The following OPCML variants were observed in gnomAD, a reference collection of about 807,000 sequenced individuals.
OPCML encodes opioid-binding protein/cell adhesion molecule.
OPCML carries 13 observed loss-of-function variants against 37.8 expected under a neutral mutation model. The ratio of observed to expected loss-of-function variants is 0.34; its 90% CI spans 0.22 to 0.55. The LOEUF (loss-of-function observed/expected upper bound fraction) is 0.55. OPCML is among the 20% of genes least tolerant of loss of function. The pLI is 0.91. For synonymous variants in OPCML, 176 were observed against 168.8 expected (o/e 1.04, Z -0.33); for missense variants, 341 against 435.6 (o/e 0.78, Z 1.93).
chr11:132,951,696 G>A (rs1945864442), intron 1 of OPCML, among the ~76,000 whole-genome samples: 1 of 152,198 alleles, frequency 6.6e-6, no homozygotes, highest in Admixed American at 6.5e-5. Flanking sequence ...TTTCTTCTCT[G>A]AAGTATCTCT....
At chr11:133,284,248 G>A (rs1476833088) in intron 1 of OPCML, among the ~76,000 whole-genome samples, 3 of 152,168 alleles carry the variant, frequency 2.0e-5, no homozygotes, top group South Asian at 2.1e-4. Flanking sequence ...GGCTCATTAC[G>A]ACCCAGTGCC....
intron 2 of OPCML, among the ~76,000 whole-genome samples, chr11:132,706,346 C>G (rs1013120787): frequency 6.6e-6 from 1 of 152,160 alleles, no homozygotes; most frequent in African/African-American, 2.4e-5. Context: ...GAAGAAGTTA[C>G]TTTCTGCCAC....
At chr11:132,702,889 T>A (rs1228333237) in intron 2 of OPCML, among the ~76,000 whole-genome samples, 2 of 152,120 alleles carry the variant, frequency 1.3e-5, no homozygotes, top group African/African-American at 4.8e-5. Flanking sequence ...AAGCAGGATT[T>A]CTGTTTGGTT....
chr11:132,934,385 G>C (rs966206110), intron 2 of OPCML, among the ~76,000 whole-genome samples: 10 of 152,126 alleles, frequency 6.6e-5, no homozygotes, highest in African/African-American at 1.9e-4. Flanking sequence ...TAGGAACCGA[G>C]GTTCAGAACA....
At chr11:132,704,490 C>G (rs1943954590) in intron 2 of OPCML, among the ~76,000 whole-genome samples, 1 of 151,834 alleles carries the variant, frequency 6.6e-6, no homozygotes, top group Admixed American at 6.6e-5. Context: ...GTGGGCACTC[C>G]CAAAAAATGC....
At chr11:132,599,366 GAGGAGGA>G (rs1315185873) in intron 3 of OPCML, among the ~76,000 whole-genome samples, 6 of 128,496 alleles carry the variant, frequency 4.7e-5, no homozygotes, top group Non-Finnish European at 1.0e-4. Flanking sequence ...GGAGAAGGAG[GAGGAGGA>G]AGAAGGAGGA....
At chr11:132,908,995 C>G (rs534474500) in intron 2 of OPCML, among the ~76,000 whole-genome samples, 5 of 150,748 alleles carry the variant, frequency 3.3e-5, no homozygotes, top group African/African-American at 1.2e-4. Context: ...AAGAGCGTCG[C>G]TCAGGGGTCG....
chr11:133,465,783 G>A (rs1030500492), intron 1 of OPCML, among the ~76,000 whole-genome samples: 13 of 152,200 alleles, frequency 8.5e-5, no homozygotes, highest in South Asian at 4.1e-4. Context: ...ATCGTCCACC[G>A]TAAAGGGACA....
At chr11:133,233,593 C>G (rs936338692) in intron 1 of OPCML, among the ~76,000 whole-genome samples, 21 of 152,310 alleles carry the variant, frequency 1.4e-4, no homozygotes, top group African/African-American at 5.1e-4. Context: ...TGAGTCAACC[C>G]CACTTTACTA....
chr11:133,376,079 T>A (rs1448790566), intron 1 of OPCML, among the ~76,000 whole-genome samples: 2 of 145,420 alleles, frequency 1.4e-5, no homozygotes, highest in Admixed American at 1.4e-4. Flanking sequence ...AATCTGGATT[T>A]AAGCTTGGCT....
At chr11:132,919,451 A>G (rs1167184708) in intron 2 of OPCML, among the ~76,000 whole-genome samples, 1 of 152,144 alleles carries the variant, frequency 6.6e-6, no homozygotes, top group Admixed American at 6.6e-5. Flanking sequence ...AAGCTGTTAG[A>G]ATGAAGAGTG....
intron 2 of OPCML, among the ~76,000 whole-genome samples, chr11:132,770,741 C>T (rs79450637): frequency 0.011 from 1,612 of 152,176 alleles, 13 homozygotes; most frequent in Middle Eastern, 0.034. Flanking sequence ...ACTGGAAGCA[C>T]GGGCAGCTGG....
chr11:133,004,384 G>T (rs2136856870), intron 1 of OPCML: 1 of 985,476 alleles, frequency 1.0e-6, no homozygotes, highest in Admixed American at 6.1e-5. Context: ...TCTCTCTTCA[G>T]AGGAAGTTGG....
At chr11:132,796,666 C>G (rs888294367) in intron 2 of OPCML, among the ~76,000 whole-genome samples, 4 of 149,178 alleles carry the variant, frequency 2.7e-5, no homozygotes, top group African/African-American at 9.9e-5. Context: ...CTCCGCCTCC[C>G]GGGTTCATGC....
At chr11:133,237,231 G>A (rs1314960087) in intron 1 of OPCML, among the ~76,000 whole-genome samples, 1 of 152,180 alleles carries the variant, frequency 6.6e-6, no homozygotes, top group Non-Finnish European at 1.5e-5. Context: ...ATTTAGAAAG[G>A]TTGTGCTTCA....
chr11:132,504,495 G>T (rs1055195358), intron 4 of OPCML, among the ~76,000 whole-genome samples: 1 of 152,182 alleles, frequency 6.6e-6, no homozygotes, highest in South Asian at 2.1e-4. Flanking sequence ...TCTCATGAGG[G>T]TGCAGTCATG....
intron 2 of OPCML, among the ~76,000 whole-genome samples, chr11:132,726,665 G>C (rs1302304009): frequency 6.6e-6 from 1 of 152,104 alleles, no homozygotes; most frequent in African/African-American, 2.4e-5. Flanking sequence ...AAGTGTGTGT[G>C]TGGGCTGGCA....
intron 3 of OPCML, among the ~76,000 whole-genome samples, chr11:132,655,515 G>T (rs1941661054): frequency 2.0e-5 from 3 of 152,248 alleles, no homozygotes; most frequent in Admixed American, 1.3e-4. Flanking sequence ...AGAGCTGTGG[G>T]TGGACGTGTA....
intron 1 of OPCML, among the ~76,000 whole-genome samples, chr11:133,070,277 G>GA (rs1490915862): frequency 6.6e-6 from 1 of 152,140 alleles, no homozygotes; most frequent in African/African-American, 2.4e-5. Context: ...AGCAAGCAAA[G>GA]GCTGTCGTGT....
Sources: allele counts gnomAD v4.1 joint callset (sites outside exome capture counted in the v4.1 genomes callset), GRCh38; gene constraint gnomAD v4.1.1; transcripts MANE v1.5; gene names NCBI Gene and HGNC (gene_info 2026-07-23, HGNC 2026-07-21).